The following EMID1 variants were observed in gnomAD, a reference collection of about 807,000 sequenced individuals.
EMID1 encodes the protein EMI domain containing 1, also known as EMI domain-containing protein 1.
A neutral mutation model predicts 60.6 loss-of-function variants in EMID1; 40 were observed. The observed-to-expected ratio is 0.66, with a 90% CI of 0.51 to 0.86. EMID1 has a LOEUF of 0.86. EMID1 is among the 40% of genes least tolerant of loss of function. The probability of loss-of-function intolerance (pLI) is 0.00; values close to 1 mark genes in which losing one functional copy is unlikely to be tolerated. For missense variants in EMID1, 585 were observed against 597.1 expected, an observed-to-expected ratio of 0.98 and a Z score of 0.21; for synonymous variants, 242 against 231.0, an observed-to-expected ratio of 1.05 and a Z score of -0.43.
chr22:29,243,657 C>A (rs545725083), intron 13 of EMID1, among the ~76,000 whole-genome samples, 168 bp downstream of exon 13: 1 of 152,356 alleles, frequency 6.6e-6, no homozygotes, highest in Non-Finnish European at 1.5e-5. Flanking sequence ...CAACTCCTTC[C>A]CCCATCTTGT....
chr22:29,230,282 G>A (rs929416099), intron 5 of EMID1, among the ~76,000 whole-genome samples: 22 of 151,752 alleles, frequency 1.4e-4, no homozygotes, highest in Admixed American at 7.9e-4. Flanking sequence ...GCAGTGAGCC[G>A]AGATCGTGCC....
At chr22:29,212,352 C>G (rs112706768) in intron 1 of EMID1, among the ~76,000 whole-genome samples, 1 of 151,458 alleles carries the variant, frequency 6.6e-6, no homozygotes, top group East Asian at 1.9e-4. Context: ...CCAGGCTGGT[C>G]TTGAACTCTT....
intron 3 of EMID1, among the ~76,000 whole-genome samples, chr22:29,221,472 T>TCC (rs2040297365): frequency 6.6e-6 from 1 of 152,216 alleles, no homozygotes; most frequent in Non-Finnish European, 1.5e-5. Context: ...TCTCCTGGGT[T>TCC]CACGCCATTC....
intron 12 of EMID1, among the ~76,000 whole-genome samples, chr22:29,238,730 T>C (rs1209453827): frequency 2.1e-5 from 3 of 140,422 alleles, no homozygotes; most frequent in Non-Finnish European, 4.5e-5. Flanking sequence ...TTTTTTTTTT[T>C]TTTTTTTTTA....
chr22:29,225,025 C>A, intron 3 of EMID1, 108 bp from the exon 4 acceptor site: 3 of 1,126,736 alleles, frequency 2.7e-6, no homozygotes, highest in Non-Finnish European at 3.9e-6. Flanking sequence ...GCCTCTGTGT[C>A]CTACGCTGAG....
intron 12 of EMID1, 29 bp from the exon 13 acceptor site, chr22:29,243,416 A>G: frequency 6.2e-7 from 1 of 1,609,462 alleles, no homozygotes. Context: ...TGCCTTCCTC[A>G]CTGCTGCTAT....
In EMID1 at chr22:29,245,405, C is replaced by A. The variant is rs142640489; in HGVS notation, c.1119+1916C>A. Among the ~76,000 whole-genome samples the A allele has an allele frequency of 7.2e-4, 109 of 152,302 alleles. 2 individuals are homozygous for A. In the East Asian group the frequency reaches 0.018, roughly 25 times the overall value. ...GAGAATCCCCGGCAGGATGCCCTGG[C>A]CACCCTAGACCAGTCCTTGAACCCA... On this transcript the variant is annotated intron_variant, in intron 13 of 14. Transcript: ENST00000334018.
chr22:29,244,012 C>T (rs1452447582), intron 13 of EMID1, among the ~76,000 whole-genome samples: 1 of 152,198 alleles, frequency 6.6e-6, no homozygotes, highest in Non-Finnish European at 1.5e-5. Context: ...CCACCATACA[C>T]ATCGGAAATT....
chr22:29,226,343 A>G lies in EMID1; in HGVS notation c.404-147A>G, dbSNP rs985300261. The G allele has an allele frequency of 7.4e-6, 6 of 815,836 alleles. No individual in the cohort carries two copies. The African/African-American group carries it at 8.9e-5, about 12-fold the overall frequency. 50.5% of individuals were successfully genotyped at this position (815,836 alleles called of 1,614,324 possible). On this transcript the variant is annotated intron_variant, in intron 4 of 14. Coordinates refer to ENST00000334018, the MANE Select transcript of EMID1 (RefSeq NM_133455.4). ...GTCCCCCTGGACCCACTGTGATCCT[A>G]TAGCCCTTCCCAAGCCTAAGGTCCC...
At chr22:29,214,784 G>C in intron 1 of EMID1, 142 bp from the exon 2 acceptor site, 1 of 526,538 alleles carries the variant, frequency 1.9e-6, no homozygotes, top group Non-Finnish European at 3.3e-6. Context: ...GGGCCCAAAT[G>C]ACTTTGCAAG....
chr22:29,247,159 T>C (rs2041356439), intron 13 of EMID1, among the ~76,000 whole-genome samples: 1 of 151,120 alleles, frequency 6.6e-6, no homozygotes, highest in Admixed American at 6.6e-5. Context: ...TTAGTAGAGA[T>C]GGGTTTGCGC....
intron 3 of EMID1, 110 bp downstream of exon 3, chr22:29,215,740 G>A: frequency 1.2e-6 from 1 of 802,480 alleles, no homozygotes; most frequent in Non-Finnish European, 2.0e-6. Context: ...TACCATGCCT[G>A]CTGGGGCCAG....
At chr22:29,210,117 T>C (rs1413682570) in intron 1 of EMID1, among the ~76,000 whole-genome samples, 3 of 151,998 alleles carry the variant, frequency 2.0e-5, no homozygotes, top group Admixed American at 6.6e-5. Flanking sequence ...GGACTAAACC[T>C]GAACTCCACA....
intron 3 of EMID1, among the ~76,000 whole-genome samples, chr22:29,224,164 C>T (rs922314498): frequency 6.6e-6 from 1 of 152,366 alleles, no homozygotes; most frequent in East Asian, 1.9e-4. Flanking sequence ...GCAGCCTCCG[C>T]TGGGGGCTGG....
intron 14 of EMID1, among the ~76,000 whole-genome samples, 194 bp from the exon 15 acceptor site, chr22:29,258,623 G>A (rs915972508): frequency 3.3e-5 from 5 of 152,300 alleles, no homozygotes; most frequent in African/African-American, 1.2e-4. Context: ...CTTGGGCTGG[G>A]GGGCTGGTAA....
chr22:29,224,897 T>C (rs960435835), intron 3 of EMID1, among the ~76,000 whole-genome samples: 3 of 152,200 alleles, frequency 2.0e-5, no homozygotes, highest in Non-Finnish European at 4.4e-5. Context: ...GCCCTCAGCC[T>C]CATCTATGGC....
intron 1 of EMID1, among the ~76,000 whole-genome samples, chr22:29,210,168 C>G (rs13054918): frequency 0.011 from 1,624 of 152,058 alleles, 35 homozygotes; most frequent in African/African-American, 0.038. Context: ...TCTGGCTAGC[C>G]GGCCACCAGC....
chr22:29,226,183 C>G (rs1322290341), intron 4 of EMID1, among the ~76,000 whole-genome samples: 1 of 152,212 alleles, frequency 6.6e-6, no homozygotes, highest in East Asian at 1.9e-4. Context: ...GCCCCCGCCC[C>G]ATTGCCATTT....
chr22:29,252,572 G>A lies in EMID1; in HGVS notation c.1120-1631G>A, dbSNP rs114275045. 2.7e-3 allele frequency among the ~76,000 whole-genome samples: 414 copies of A among 152,276 alleles called. 2 individuals are homozygous for A. Among genetic ancestry groups the A allele is most frequent in the African/African-American group, 9.3e-3 (385 of 41,560 alleles). On this transcript the variant is annotated intron_variant, in intron 13 of 14. Coordinates refer to ENST00000334018, the MANE Select transcript of EMID1 (RefSeq NM_133455.4). ...AGGAAGGAGTGAGGGAGTGTGGAGCGTTGTCAAGACTATGGACCATATGCT... is the reference window on the plus strand; with the variant it reads ...AGGAAGGAGTGAGGGAGTGTGGAGCATTGTCAAGACTATGGACCATATGCT...
Sources: gnomAD v4.1 joint callset for allele counts (sites outside exome capture counted in the v4.1 genomes callset) on GRCh38, gnomAD v4.1.1 for gene constraint, MANE v1.5 for transcripts, NCBI Gene and HGNC (gene_info 2026-07-23, HGNC 2026-07-21) for gene names.